Variants in NSD1 observed in about 807,000 individuals in gnomAD.
NSD1 encodes nuclear receptor binding SET domain protein 1.
A neutral mutation model predicts 242.7 loss-of-function variants in NSD1; 26 were observed. That is an observed-to-expected ratio of 0.11 (90% CI 0.08 to 0.15). NSD1 has a LOEUF of 0.15. Among genes scored for constraint, NSD1 ranks in the 10% least tolerant of loss-of-function variants. NSD1 has a pLI of 1.00. For synonymous variants in NSD1, 1,106 were observed against 1,178.1 expected (o/e 0.94, Z 1.25); for missense variants, 2,495 against 3,272.8 (o/e 0.76, Z 5.80).
chr5:177,271,167 A>G (rs774822916), intron 16 of NSD1, among the ~76,000 whole-genome samples: 3 of 152,148 alleles, frequency 2.0e-5, no homozygotes, highest in Non-Finnish European at 4.4e-5. Flanking sequence ...AATCTGAAAT[A>G]GATACCAGCA....
In NSD1 at chr5:177,230,427, A is replaced by G. The variant is rs184177128; in HGVS notation, c.3797-5394A>G. On this transcript the variant is annotated intron_variant, in intron 5 of 22. Coordinates refer to ENST00000439151, the MANE Select transcript of NSD1 (RefSeq NM_022455.5). ...GTCTTTTGTGCTATCTGCTGGTTTC[A>G]TTGTGAGCTGCAAGGAAATAGAGAG... is the stretch of plus-strand genomic sequence containing the variant. 9.3e-4 allele frequency among the ~76,000 whole-genome samples: 142 copies of G among 152,226 alleles called. 1 individual carries two copies. The highest frequency in any genetic ancestry group is 3.3e-3 in the African/African-American group (139 of 41,534).
At position 177,137,193 on chromosome 5, in the gene NSD1, T is replaced by G. The variant is rs571579461; in HGVS notation, c.927+1163T>G. The G allele has an allele frequency of 3.5e-5, 12 of 338,448 alleles. No homozygotes were observed. The Admixed American group carries it at 3.8e-4, about 11-fold the overall frequency. 21.0% of individuals were successfully genotyped at this position (338,448 alleles called of 1,614,324 possible). On this transcript the variant is annotated intron_variant, in intron 2 of 22. Coordinates refer to ENST00000439151, the MANE Select transcript of NSD1 (RefSeq NM_022455.5). ...TTTATTGCGTCTAAATTCCAGAAGT[T>G]CTTGATTGCTATAAGATTCCTTCAG...
rs558198332 is a variant in NSD1, at chr5:177,182,736, C to T, written c.928-9148C>T. Among the ~76,000 whole-genome samples, 326 of 152,198 alleles carry T rather than the reference C, an allele frequency of 2.1e-3. 2 individuals carry two copies. The highest frequency in any genetic ancestry group is 4.8e-3 in the African/African-American group (201 of 41,538). On this transcript the variant is annotated intron_variant, in intron 2 of 22. Transcript: ENST00000439151. ...ACTGTAACCTTCCATCTCCCGGGTT[C>T]GAGTGATTCTCCTGCCTCAGCCTAC...
At chr5:177,179,072 G>A (rs1760445625) in intron 2 of NSD1, among the ~76,000 whole-genome samples, 1 of 152,172 alleles carries the variant, frequency 6.6e-6, no homozygotes, top group South Asian at 2.1e-4. Context: ...CAAGTGCATG[G>A]AGGTGTGATA....
intron 16 of NSD1, among the ~76,000 whole-genome samples, chr5:177,271,634 A>C (rs1757950000): frequency 6.6e-6 from 1 of 152,210 alleles, no homozygotes; most frequent in South Asian, 2.1e-4. Context: ...TCTATTAATA[A>C]AATCCTGAGT....
intron 14 of NSD1, among the ~76,000 whole-genome samples, chr5:177,267,158 GAA>G (rs903389515): frequency 3.3e-4 from 51 of 152,246 alleles, no homozygotes; most frequent in African/African-American, 1.2e-3. Context: ...GTGCCCAGCC[GAA>G]AAGTTAGTAG....
chr5:177,142,176 G>A lies in NSD1; in HGVS notation c.927+6146G>A, dbSNP rs542225812. 8.5e-5 allele frequency among the ~76,000 whole-genome samples: 13 copies of A among 152,120 alleles called. No individual in the cohort carries two copies. The South Asian group carries it at 1.2e-3, about 15-fold the overall frequency. ...ACCCATCTCTTTTATTGCCAAACAC[G>A]CATTTACTTCTGTGTTCATGATGAC... On this transcript the variant is annotated intron_variant, in intron 2 of 22. Transcript: ENST00000439151.
At chr5:177,169,766 A>T (rs1441692739) in intron 2 of NSD1, 1 of 152,222 alleles carries the variant, frequency 6.6e-6, no homozygotes, top group African/African-American at 2.4e-5. Flanking sequence ...GTGCCCATTA[A>T]AATGATATAT....
intron 8 of NSD1, among the ~76,000 whole-genome samples, chr5:177,240,392 A>G (rs1765760196): frequency 6.6e-6 from 1 of 151,870 alleles, no homozygotes; most frequent in East Asian, 1.9e-4. Flanking sequence ...TATGTGATAA[A>G]TACTTTTTGT....
At chr5:177,203,994 C>T (rs1762693934) in intron 3 of NSD1, 126 bp from the exon 4 acceptor site, 4 of 909,864 alleles carry the variant, frequency 4.4e-6, no homozygotes, top group Admixed American at 1.7e-5. Flanking sequence ...TCTAGGTTGT[C>T]TAGTTCAGTG....
chr5:177,182,147 G>A (rs1468176968), intron 2 of NSD1, among the ~76,000 whole-genome samples: 4 of 135,598 alleles, frequency 2.9e-5, no homozygotes, highest in Middle Eastern at 3.3e-3. Context: ...GTGAGACTCC[G>A]TCTCAAAAAA....
chr5:177,278,780 C>A (rs796794953), intron 17 of NSD1, among the ~76,000 whole-genome samples: 33 of 152,056 alleles, frequency 2.2e-4, no homozygotes, highest in Non-Finnish European at 2.9e-5. Context: ...ATTTTTTGTG[C>A]GGTTTGTGTC....
intron 13 of NSD1, among the ~76,000 whole-genome samples, chr5:177,258,037 A>G (rs1756668091): frequency 7.4e-6 from 1 of 135,082 alleles, no homozygotes; most frequent in Middle Eastern, 5.2e-3. Context: ...CTAGAGTGCA[A>G]TGGTGCAATC....
At position 177,298,375 on chromosome 5, in the gene NSD1, A is replaced by C; in HGVS notation, c.*2916A>C. 4.3e-6 allele frequency: 1 copy of C among 233,278 alleles called. No homozygotes were observed. Among genetic ancestry groups the C allele is most frequent in the Admixed American group, 5.6e-5 (1 of 17,810 alleles). The allele number at this position is 233,278 out of a possible 1,614,324, so 14.5% of individuals were successfully genotyped here. A position where few individuals can be genotyped will look rare whatever the true frequency, so the allele number is the denominator to read the frequency against. ...GACAAGGCAAAAGTTGAAATTCTCC[A>C]TGGGTAGCTAGAAAGCCAATACATC... On this transcript the variant is annotated 3_prime_UTR_variant, in exon 23 of 23. Transcript: ENST00000439151.
chr5:177,238,573 T>G lies in NSD1; in HGVS notation c.4192+66T>G. 6.4e-7 allele frequency: 1 copy of G among 1,571,226 alleles called. No individual in the cohort carries two copies. The highest frequency in any genetic ancestry group is 8.7e-7 in the Non-Finnish European group (1 of 1,152,686). On this transcript the variant is annotated intron_variant, in intron 7 of 22. Transcript: ENST00000439151. The surrounding 1 kb of genome is among the most constrained non-coding windows in gnomAD (Gnocchi z 4.6). The stretch of plus-strand genomic sequence containing the variant: ...TTAGAGGAAGCAGGAGATTTTAGTA[T>G]GTTTTGATGTAAAGCCAACATTGTA...
At chr5:177,190,755 C>T (rs1363482661) in intron 2 of NSD1, among the ~76,000 whole-genome samples, 38 of 150,114 alleles carry the variant, frequency 2.5e-4, no homozygotes, top group Non-Finnish European at 4.2e-4. Flanking sequence ...CTGCAAGCTC[C>T]GCCTCCTGGG....
chr5:177,239,645 G>T, intron 7 of NSD1, 111 bp from the exon 8 acceptor site: 2 of 671,466 alleles, frequency 3.0e-6, no homozygotes, highest in East Asian at 2.8e-5. Context: ...ATAAGATGAC[G>T]GGGAAAACAT....
chr5:177,186,287 T>A (rs1761227443), intron 2 of NSD1, among the ~76,000 whole-genome samples: 1 of 150,160 alleles, frequency 6.7e-6, no homozygotes, highest in South Asian at 2.1e-4. Context: ...GGAGACCCTG[T>A]CTCAGAAACG....
chr5:177,254,672 G>A (rs1756282124), intron 12 of NSD1, among the ~76,000 whole-genome samples: 1 of 151,836 alleles, frequency 6.6e-6, no homozygotes, highest in South Asian at 2.1e-4. Flanking sequence ...ACTCCCAAAG[G>A]GCTGGGATTA....
Sources: gnomAD v4.1 joint callset for allele counts (sites outside exome capture counted in the v4.1 genomes callset) on GRCh38, gnomAD v4.1.1 for gene constraint, Gnocchi (gnomAD v3.1) non-coding constraint, MANE v1.5 for transcripts, NCBI Gene and HGNC (gene_info 2026-07-23, HGNC 2026-07-21) for gene names.